The following LDLRAD3 variants were observed in gnomAD, a reference collection of about 807,000 sequenced individuals.
LDLRAD3 encodes low-density lipoprotein receptor class A domain-containing protein 3.
Under a neutral mutation model 29.4 loss-of-function variants are expected in LDLRAD3, and 20 were observed. That is an observed-to-expected ratio of 0.68 (90% CI 0.48 to 0.99). The LOEUF (loss-of-function observed/expected upper bound fraction) is 0.99. Among genes scored for constraint, LDLRAD3 ranks in the 50% least tolerant of loss-of-function variants. LDLRAD3 has a pLI of 0.00. For missense variants in LDLRAD3, 420 were observed against 454.3 expected (o/e 0.92, Z 0.69); for synonymous variants, 157 against 192.7 (o/e 0.81, Z 1.53).
intron 1 of LDLRAD3, among the ~76,000 whole-genome samples, chr11:35,955,436 A>T (rs1249407740): frequency 6.6e-6 from 1 of 152,214 alleles, no homozygotes; most frequent in Non-Finnish European, 1.5e-5. Context: ...TCAACTAAAG[A>T]CTAAATGTAA....
intron 4 of LDLRAD3, among the ~76,000 whole-genome samples, chr11:36,207,083 C>T (rs1356290148): frequency 6.6e-6 from 1 of 152,136 alleles, no homozygotes. Context: ...TGTGATTGCA[C>T]TTCTTCTGTC....
At chr11:35,969,939 C>T (rs1851391668) in intron 1 of LDLRAD3, among the ~76,000 whole-genome samples, 1 of 152,086 alleles carries the variant, frequency 6.6e-6, no homozygotes, top group East Asian at 1.9e-4. Context: ...CATGAGGATA[C>T]CGGCTTATTT....
intron 4 of LDLRAD3, among the ~76,000 whole-genome samples, chr11:36,193,509 G>A (rs1220186213): frequency 3.3e-5 from 5 of 152,170 alleles, no homozygotes; most frequent in African/African-American, 1.2e-4. Flanking sequence ...GTTATTTAAA[G>A]CTTTGCACGC....
At chr11:36,179,756 G>A (rs900892030) in intron 4 of LDLRAD3, among the ~76,000 whole-genome samples, 2 of 152,142 alleles carry the variant, frequency 1.3e-5, no homozygotes, top group Non-Finnish European at 2.9e-5. Flanking sequence ...ACTTTGGGAG[G>A]CTGAGGCAGG....
At chr11:36,112,805 A>G (rs1590277394) in intron 4 of LDLRAD3, among the ~76,000 whole-genome samples, 1 of 152,228 alleles carries the variant, frequency 6.6e-6, no homozygotes, top group East Asian at 1.9e-4. Flanking sequence ...GGCCATCCCC[A>G]AAAGAGAGAT....
chr11:36,226,543 G>A (rs972514463), intron 4 of LDLRAD3, among the ~76,000 whole-genome samples: 1 of 152,238 alleles, frequency 6.6e-6, no homozygotes, highest in Non-Finnish European at 1.5e-5. Context: ...ATTATTTGCA[G>A]TACTTAAAAT....
chr11:35,955,211 C>G (rs571822621), intron 1 of LDLRAD3, among the ~76,000 whole-genome samples: 3 of 152,194 alleles, frequency 2.0e-5, no homozygotes, highest in African/African-American at 4.8e-5. Context: ...CACCACTGCA[C>G]TCCAGCCTGG....
At chr11:36,192,262 A>G (rs1466043261) in intron 4 of LDLRAD3, among the ~76,000 whole-genome samples, 1 of 152,208 alleles carries the variant, frequency 6.6e-6, no homozygotes, top group Non-Finnish European at 1.5e-5. Flanking sequence ...GCTATCAAAC[A>G]AAAACCTCTT....
intron 4 of LDLRAD3, among the ~76,000 whole-genome samples, chr11:36,198,572 C>T (rs1017956886): frequency 6.6e-6 from 1 of 152,212 alleles, no homozygotes; most frequent in African/African-American, 2.4e-5. Flanking sequence ...TTTGCTTCCC[C>T]CCCATCCCAC....
chr11:36,228,408 G>A (rs1163398567), intron 5 of LDLRAD3, among the ~76,000 whole-genome samples: 2 of 152,164 alleles, frequency 1.3e-5, no homozygotes, highest in Admixed American at 1.3e-4. Flanking sequence ...GGTTAAAATT[G>A]CTGAATCTGG....
chr11:36,185,416 C>G (rs750249105), intron 4 of LDLRAD3, among the ~76,000 whole-genome samples: 17 of 152,188 alleles, frequency 1.1e-4, no homozygotes, highest in Non-Finnish European at 1.9e-4. Context: ...GGTATAGGAA[C>G]CACAGCTGTT....
chr11:36,225,227 C>T (rs1446881441), intron 4 of LDLRAD3, among the ~76,000 whole-genome samples: 1 of 152,228 alleles, frequency 6.6e-6, no homozygotes, highest in Non-Finnish European at 1.5e-5. Flanking sequence ...CACTGCCTCA[C>T]AGGCAGAACA....
intron 1 of LDLRAD3, among the ~76,000 whole-genome samples, chr11:35,968,864 C>T (rs1008026861): frequency 1.4e-4 from 22 of 152,198 alleles, no homozygotes; most frequent in African/African-American, 4.6e-4. Flanking sequence ...GCCTTTCCCT[C>T]TACCAGCTAA....
chr11:36,005,142 AG>A (rs1851868784), intron 1 of LDLRAD3, among the ~76,000 whole-genome samples: 1 of 152,208 alleles, frequency 6.6e-6, no homozygotes, highest in Non-Finnish European at 1.5e-5. Context: ...TCCAGAAAAT[AG>A]GGTTTTCTTT....
intron 1 of LDLRAD3, among the ~76,000 whole-genome samples, chr11:35,981,523 T>C (rs2133157365): frequency 6.6e-6 from 1 of 152,222 alleles, no homozygotes; most frequent in East Asian, 1.9e-4. Context: ...TTCTGATAGC[T>C]GGTGCACACG....
chr11:36,097,226 A>C (rs763216555), intron 3 of LDLRAD3, among the ~76,000 whole-genome samples: 1 of 152,198 alleles, frequency 6.6e-6, no homozygotes. Flanking sequence ...TTTTGTTTGC[A>C]AAGAAGAAAT....
intron 4 of LDLRAD3, among the ~76,000 whole-genome samples, chr11:36,212,297 G>A (rs200855732): frequency 4.6e-5 from 7 of 152,002 alleles, no homozygotes; most frequent in African/African-American, 1.4e-4. Flanking sequence ...CCCCCTTCCC[G>A]TGCTGTCTCT....
chr11:35,955,280 A>G (rs1022537328), intron 1 of LDLRAD3, among the ~76,000 whole-genome samples: 2 of 152,206 alleles, frequency 1.3e-5, no homozygotes, highest in Non-Finnish European at 2.9e-5. Flanking sequence ...TATTAAACAC[A>G]TGAAATAGTA....
At chr11:36,199,443 C>T (rs1855084943) in intron 4 of LDLRAD3, among the ~76,000 whole-genome samples, 2 of 152,306 alleles carry the variant, frequency 1.3e-5, no homozygotes, top group South Asian at 2.1e-4. Context: ...CTTTCCACCT[C>T]TTTCTCCTCC....
Sources: gnomAD v4.1 joint callset for allele counts (sites outside exome capture counted in the v4.1 genomes callset) on GRCh38, gnomAD v4.1.1 for gene constraint, MANE v1.5 for transcripts, NCBI Gene and HGNC (gene_info 2026-07-23, HGNC 2026-07-21) for gene names.